The following CCDC88C variants were observed in gnomAD, a reference collection of about 807,000 sequenced individuals.
CCDC88C encodes coiled-coil and HOOK domain protein 88C, also known as protein Daple.
Under a neutral mutation model 198.8 loss-of-function variants are expected in CCDC88C, and 131 were observed. That is an observed-to-expected ratio of 0.66 (90% CI 0.57 to 0.76). The LOEUF is 0.76. CCDC88C is among the 30% of genes least tolerant of loss of function. The probability of loss-of-function intolerance (pLI) is 0.00; values close to 1 mark genes in which losing one functional copy is unlikely to be tolerated. For missense variants in CCDC88C, 2,553 were observed against 2,631.6 expected (o/e 0.97, Z 0.65); for synonymous variants, 1,166 against 1,114.7 (o/e 1.05, Z -0.92).
Position 91,293,517 on chromosome 14 carries a change from CCTGT to C in CCDC88C, c.4112+652_4112+655del, listed in dbSNP as rs1567055645. On this transcript the variant is annotated intron_variant, in intron 23 of 29. Transcript: ENST00000389857. ...ATCCTCACCTGCCACGGCCTACCTT[CCTGT>C]CCCCTCACCTGCCACGGCCCACCTT... is the stretch of plus-strand genomic sequence containing the variant. 8.9e-3 allele frequency among the ~76,000 whole-genome samples: 1,168 copies of C among 131,246 alleles called. 205 individuals are homozygous for C. Among genetic ancestry groups the C allele is most frequent in the Middle Eastern group, 0.019 (5 of 262 alleles). The allele number at this position is 131,246 out of a possible 152,430, so 86.1% of individuals were successfully genotyped here.
At chr14:91,304,065 G>A in intron 19 of CCDC88C, 87 bp from the exon 20 acceptor site, 1 of 1,469,554 alleles carries the variant, frequency 6.8e-7, no homozygotes, top group Non-Finnish European at 9.2e-7. Context: ...GAGCAGACAC[G>A]AAAATAGCCG....
At chr14:91,296,676 G>A (rs1343303073) in intron 22 of CCDC88C, among the ~76,000 whole-genome samples, 1 of 152,214 alleles carries the variant, frequency 6.6e-6, no homozygotes, top group East Asian at 1.9e-4. Flanking sequence ...TGGGCAAAAG[G>A]CGTCTGAGAC....
chr14:91,358,831 C>T (rs1023217615), intron 4 of CCDC88C, among the ~76,000 whole-genome samples: 1 of 151,982 alleles, frequency 6.6e-6, no homozygotes, highest in East Asian at 1.9e-4. Flanking sequence ...TCACACTGAG[C>T]GTCAGAGACT....
At chr14:91,316,127 G>A (rs1305029191) in intron 13 of CCDC88C, among the ~76,000 whole-genome samples, 1 of 152,146 alleles carries the variant, frequency 6.6e-6, no homozygotes, top group African/African-American at 2.4e-5. Flanking sequence ...CTCAGTTGGT[G>A]ATGTCACCTG....
chr14:91,299,398 T>C (rs1447788699), intron 21 of CCDC88C, among the ~76,000 whole-genome samples: 2 of 152,240 alleles, frequency 1.3e-5, no homozygotes, highest in Non-Finnish European at 2.9e-5. Flanking sequence ...AAGGGACATT[T>C]GTTTGCAGTA....
intron 2 of CCDC88C, among the ~76,000 whole-genome samples, chr14:91,416,055 C>T (rs1887030329): frequency 6.6e-6 from 1 of 152,190 alleles, no homozygotes. Context: ...AAGCCAACAC[C>T]TACGTTGTGG....
intron 3 of CCDC88C, among the ~76,000 whole-genome samples, chr14:91,399,739 T>C (rs143471329): frequency 0.014 from 2,139 of 149,548 alleles, 24 homozygotes; most frequent in Middle Eastern, 0.045. Flanking sequence ...CTCAGGAGGC[T>C]GAGGCAGGAG....
chr14:91,339,476 G>T lies in CCDC88C; in HGVS notation c.625-14C>A, dbSNP rs200595802. 4.5e-4 allele frequency: 713 copies of T among 1,598,520 alleles called. 1 individual carries two copies. The highest frequency in any genetic ancestry group is 5.3e-4 in the Non-Finnish European group (617 of 1,168,756). ...GTCCACGATCAGCTGCAGCCGGGCA[G>T]AGAGGGGGATGGAGGAGAACAAACG... On this transcript the variant is annotated splice_polypyrimidine_tract_variant and intron_variant, in intron 7 of 29. Transcript: ENST00000389857. The surrounding 1 kb of genome is among the most constrained non-coding windows in gnomAD (Gnocchi z 5.8).
chr14:91,292,868 T>TGC (rs1890723387), intron 23 of CCDC88C, among the ~76,000 whole-genome samples: 1 of 152,184 alleles, frequency 6.6e-6, no homozygotes, highest in African/African-American at 2.4e-5. Flanking sequence ...TCCCTGGCCC[T>TGC]GCCAGAGTAG....
intron 3 of CCDC88C, among the ~76,000 whole-genome samples, chr14:91,385,491 C>T (rs1885077593): frequency 6.6e-6 from 1 of 152,166 alleles, no homozygotes; most frequent in African/African-American, 2.4e-5. Flanking sequence ...TCGCAGCTTG[C>T]CCAGCCCTGG....
At chr14:91,281,787 C>G (rs1189335954) in intron 26 of CCDC88C, among the ~76,000 whole-genome samples, 1 of 152,130 alleles carries the variant, frequency 6.6e-6, no homozygotes, top group Non-Finnish European at 1.5e-5. Context: ...GGACCAAAGG[C>G]GTGTTCTGGC....
intron 3 of CCDC88C, among the ~76,000 whole-genome samples, chr14:91,377,822 C>T (rs1884533666): frequency 6.6e-6 from 1 of 152,184 alleles, no homozygotes; most frequent in Non-Finnish European, 1.5e-5. Flanking sequence ...TCTGTGGGGA[C>T]TGGACCTCCA....
chr14:91,325,006 C>A lies in CCDC88C; in HGVS notation c.1198-83G>T. ...CAAGCCTCAGCCCCTGTATAGCTAC[C>A]GTCATGTGCTGTGGATGAAGATGTA... On this transcript the variant is annotated intron_variant, in intron 11 of 29. Transcript: ENST00000389857. This position sits in a 1 kb window ranked among gnomAD's most constrained non-coding sequence, Gnocchi z 4.1. The A allele has an allele frequency of 6.5e-7, 1 of 1,538,204 alleles. No individual in the cohort carries two copies. Among genetic ancestry groups the A allele is most frequent in the Non-Finnish European group, 8.9e-7 (1 of 1,123,902 alleles).
chr14:91,345,190 A>ATATATATATTTTTTTTTTTTT (rs1246878587), intron 4 of CCDC88C, among the ~76,000 whole-genome samples: 2 of 52,204 alleles, frequency 3.8e-5, no homozygotes, highest in Admixed American at 3.0e-4. Context: ...ATATATATAT[A>ATATATATATTTTTTTTTTTTT]TTTTTTTTTT....
At chr14:91,282,410 G>C (rs1165363349) in intron 26 of CCDC88C, among the ~76,000 whole-genome samples, 1 of 152,120 alleles carries the variant, frequency 6.6e-6, no homozygotes, top group Non-Finnish European at 1.5e-5. Flanking sequence ...AAATTATAAG[G>C]GGAATGCCCT....
In CCDC88C at chr14:91,308,400, A is replaced by G. The variant is rs1452205081; in HGVS notation, c.2957T>C (p.Met986Thr). Residue 986 changes from methionine (M) to threonine (T), a missense_variant, in exon 17 of 30, where the codon ATG becomes ACG. Met to Thr is a moderately conservative substitution (Grantham distance 81). Transcript: ENST00000389857. ...EEKIVLLEAQ[M>T]EEKASLNRQL... ...GCGATTTAGGCTCGCTTTCTCTTCC[A>G]TCTGTGCTTCTAAGAGCACAATCTT... 1 of 1,613,868 alleles carries G rather than the reference A, an allele frequency of 6.2e-7. No homozygotes were observed. Among genetic ancestry groups the G allele is most frequent in the East Asian group, 2.2e-5 (1 of 44,896 alleles).
chr14:91,355,497 C>T (rs994809913), intron 4 of CCDC88C, among the ~76,000 whole-genome samples: 13 of 152,132 alleles, frequency 8.5e-5, no homozygotes, highest in Non-Finnish European at 1.5e-4. Flanking sequence ...CTCCCCTCCC[C>T]GGGGGCGTGG....
chr14:91,303,718 G>C lies in CCDC88C; in HGVS notation c.3618C>G (p.His1206Gln), dbSNP rs1011484040. The change falls in exon 20 of 30, where the codon CAC becomes CAG. Residue 1206 changes from histidine (H) to glutamine (Q), a missense_variant. Coordinates refer to ENST00000389857, the MANE Select transcript of CCDC88C (RefSeq NM_001080414.4). The stretch of plus-strand genomic sequence containing the variant: ...GGCCCTACCTCTCCCCGAGCTCCTT[G>C]TGCTCCAGCTCCAGATTCCGATGCA... Reference protein sequence around the residue: ...KTLHRNLELEHKELGERHGDM... With the variant: ...KTLHRNLELEQKELGERHGDM... 6.3e-6 allele frequency: 10 copies of C among 1,596,744 alleles called. No individual in the cohort carries two copies. The African/African-American group carries it at 1.3e-4, about 21-fold the overall frequency.
At chr14:91,373,462 A>T (rs1467458968) in intron 3 of CCDC88C, among the ~76,000 whole-genome samples, 1 of 152,186 alleles carries the variant, frequency 6.6e-6, no homozygotes, top group African/African-American at 2.4e-5. Flanking sequence ...AGCATGGATA[A>T]ATAAGACTGT....
Sources: gnomAD v4.1 joint callset for allele counts (sites outside exome capture counted in the v4.1 genomes callset) on GRCh38, gnomAD v4.1.1 for gene constraint, Gnocchi (gnomAD v3.1) non-coding constraint, MANE v1.5 for transcripts, NCBI Gene and HGNC (gene_info 2026-07-23, HGNC 2026-07-21) for gene names.